Variants in MAST4 observed in about 807,000 individuals in gnomAD.
MAST4 encodes the protein microtubule-associated serine/threonine-protein kinase 4.
Under a neutral mutation model 162.7 loss-of-function variants are expected in MAST4, and 89 were observed. That is an observed-to-expected ratio of 0.55 (90% CI 0.46 to 0.65). The LOEUF (loss-of-function observed/expected upper bound fraction) is 0.65, where lower values mean the gene tolerates loss of function less well. MAST4 is among the 30% of genes least tolerant of loss of function. The pLI, the probability that MAST4 is intolerant of heterozygous loss-of-function variation, is 0.00. For synonymous variants in MAST4, 1,479 were observed against 1,361.1 expected, an observed-to-expected ratio of 1.09 and a Z score of -1.91; for missense variants, 3,153 against 3,374.0, an observed-to-expected ratio of 0.93 and a Z score of 1.62.
chr5:66,875,058 G>A (rs141457976), intron 3 of MAST4, among the ~76,000 whole-genome samples: 3 of 152,266 alleles, frequency 2.0e-5, no homozygotes, highest in Admixed American at 2.0e-4. Flanking sequence ...TAAGGGGATA[G>A]GCTTTAAAAT....
intron 4 of MAST4, among the ~76,000 whole-genome samples, chr5:67,022,496 C>T (rs1741132261): frequency 6.6e-6 from 1 of 151,822 alleles, no homozygotes; most frequent in Admixed American, 6.6e-5. Context: ...CGAAGAGCTT[C>T]TAAAGAATAA....
chr5:66,888,619 A>G (rs535509859), intron 3 of MAST4, among the ~76,000 whole-genome samples: 1 of 152,334 alleles, frequency 6.6e-6, no homozygotes, highest in African/African-American at 2.4e-5. Flanking sequence ...ATTTTAAAAA[A>G]TTGGTTCATA....
At chr5:66,850,494 G>A (rs1759226759) in intron 3 of MAST4, among the ~76,000 whole-genome samples, 1 of 152,132 alleles carries the variant, frequency 6.6e-6, no homozygotes. Context: ...GAAATGCTGT[G>A]AAACTGGAAA....
chr5:66,683,259 A>C (rs1214706990), intron 1 of MAST4, among the ~76,000 whole-genome samples: 1 of 152,242 alleles, frequency 6.6e-6, no homozygotes, highest in Non-Finnish European at 1.5e-5. Context: ...GACATCACTT[A>C]GGTTGAAGCA....
chr5:66,608,497 G>A (rs771519708), intron 1 of MAST4, among the ~76,000 whole-genome samples: 2 of 149,994 alleles, frequency 1.3e-5, no homozygotes, highest in Non-Finnish European at 2.9e-5. Flanking sequence ...AAATATGGAC[G>A]ACTTATATGT....
Position 66,833,081 on chromosome 5 carries a change from C to T in MAST4, c.642+44287C>T, listed in dbSNP as rs188618265. 1.9e-3 allele frequency among the ~76,000 whole-genome samples: 292 copies of T among 152,186 alleles called. 1 individual carries two copies. Among genetic ancestry groups the T allele is most frequent in the Middle Eastern group, 6.8e-3 (2 of 294 alleles). ...TGGCATGTCCTCAAAATCTTGTGTT[C>T]AGAAAAAATTCTATTTTATACTCTA... On this transcript the variant is annotated intron_variant, in intron 3 of 28. Transcript: ENST00000403625.
chr5:66,936,625 A>C (rs950344069), intron 4 of MAST4, among the ~76,000 whole-genome samples: 2 of 152,214 alleles, frequency 1.3e-5, no homozygotes, highest in African/African-American at 4.8e-5. Context: ...TTCACAAGAC[A>C]ATGTCATCAG....
intron 4 of MAST4, among the ~76,000 whole-genome samples, chr5:67,044,609 G>C (rs6873991): frequency 0.012 from 1,849 of 152,184 alleles, 36 homozygotes; most frequent in African/African-American, 0.042. Context: ...CAAACTCTTA[G>C]GATCAAGTTA....
At chr5:66,753,166 A>G (rs1753296658) in intron 1 of MAST4, among the ~76,000 whole-genome samples, 1 of 152,178 alleles carries the variant, frequency 6.6e-6, no homozygotes, top group African/African-American at 2.4e-5. Flanking sequence ...GTAGAGGGAA[A>G]CTTATAGCAC....
rs1295241129 is a variant in MAST4, at chr5:67,130,400, G to A, written c.1936G>A (p.Val646Ile). 3.1e-6 allele frequency: 5 copies of A among 1,613,740 alleles called. No homozygotes were observed. Among genetic ancestry groups the A allele is most frequent in the Non-Finnish European group, 4.2e-6 (5 of 1,179,822 alleles). Residue 646 changes from valine to isoleucine, a missense_variant, in exon 15 of 29, where the codon GTC becomes ATC. By Grantham distance (29) the Val-to-Ile change is conservative. Coordinates refer to ENST00000403625, the MANE Select transcript of MAST4 (RefSeq NM_001164664.2). ...TGAAACAAGGCGCCACTTGTGCATGGTCATGGAATATGTGGAAGGTATCTG... is the reference window on the plus strand; with the variant it reads ...TGAAACAAGGCGCCACTTGTGCATGATCATGGAATATGTGGAAGGTATCTG... Reference protein sequence around the residue: ...SFETRRHLCMVMEYVEGGDCA... With the variant: ...SFETRRHLCMIMEYVEGGDCA...
At chr5:66,850,950 A>G (rs1319073762) in intron 3 of MAST4, among the ~76,000 whole-genome samples, 2 of 137,434 alleles carry the variant, frequency 1.5e-5, no homozygotes, top group African/African-American at 2.8e-5. Flanking sequence ...TTTTTTGAAG[A>G]AAAAAATGCA....
At chr5:66,910,088 A>T (rs1014858342) in intron 4 of MAST4, among the ~76,000 whole-genome samples, 3 of 152,210 alleles carry the variant, frequency 2.0e-5, no homozygotes, top group South Asian at 4.1e-4. Context: ...TTATAAAAAA[A>T]TGTGAGCATC....
chr5:67,166,261 C>G lies in MAST4; in HGVS notation c.7082C>G (p.Pro2361Arg). The G allele has an allele frequency of 1.3e-6, 2 of 1,553,666 alleles. No individual in the cohort carries two copies. The highest frequency in any genetic ancestry group is 1.7e-6 in the Non-Finnish European group (2 of 1,148,066). ...CAGACAGACAAAAGCCCGAGTCAGC[C>G]GGCCGCCAACACCGACAGAAGGGCG... ...NRQTDKSPSQ[P>R]AANTDRRAEG... The change falls in exon 29 of 29, where the codon CCG (proline) becomes CGG (arginine). Residue 2361 changes from proline (P) to arginine (R), a missense_variant. Coordinates refer to ENST00000403625, the MANE Select transcript of MAST4 (RefSeq NM_001164664.2).
intron 5 of MAST4, among the ~76,000 whole-genome samples, chr5:67,076,941 A>C (rs113493806): frequency 0.02 from 3,085 of 152,058 alleles, 117 homozygotes; most frequent in African/African-American, 0.071. Context: ...GGTGCCCAGC[A>C]CTCTGTGGTC....
At chr5:66,752,347 G>T (rs1315401551) in intron 1 of MAST4, among the ~76,000 whole-genome samples, 1 of 150,586 alleles carries the variant, frequency 6.6e-6, no homozygotes, top group East Asian at 1.9e-4. Flanking sequence ...GACACAGACT[G>T]GCAAATTGGA....
At chr5:66,638,567 A>G (rs1745278151) in intron 1 of MAST4, among the ~76,000 whole-genome samples, 1 of 152,192 alleles carries the variant, frequency 6.6e-6, no homozygotes, top group Non-Finnish European at 1.5e-5. Flanking sequence ...AAATTCATTT[A>G]TGTTTCTTAT....
chr5:66,748,634 C>T (rs9291875), intron 1 of MAST4, among the ~76,000 whole-genome samples: 36,302 of 150,860 alleles, frequency 0.24, 5,744 homozygotes, highest in Non-Finnish European at 0.35. Flanking sequence ...GGACTACAGG[C>T]GTGCGCAACC....
intron 1 of MAST4, among the ~76,000 whole-genome samples, chr5:66,657,837 G>A (rs756291039): frequency 1.2e-4 from 18 of 152,146 alleles, no homozygotes; most frequent in Admixed American, 2.6e-4. Context: ...ACACAGAAAT[G>A]GTTAAATGGA....
intron 2 of MAST4, among the ~76,000 whole-genome samples, chr5:66,785,923 C>T (rs566851942): frequency 1.3e-5 from 2 of 152,244 alleles, no homozygotes; most frequent in South Asian, 4.1e-4. Context: ...GGCTGGAGTG[C>T]AGTGGTACAA....
Sources: gnomAD v4.1 joint callset for allele counts (sites outside exome capture counted in the v4.1 genomes callset) on GRCh38, gnomAD v4.1.1 for gene constraint, MANE v1.5 for transcripts, NCBI Gene and HGNC (gene_info 2026-07-23, HGNC 2026-07-21) for gene names.